The following NBEAL1 variants were observed in gnomAD, a reference collection of about 807,000 sequenced individuals.
NBEAL1 encodes neurobeachin like 1.
NBEAL1 carries 273 observed loss-of-function variants against 351.3 expected under a neutral mutation model. The observed-to-expected ratio is 0.78, with a 90% CI of 0.70 to 0.86. The LOEUF is 0.86. NBEAL1 is among the 40% of genes least tolerant of loss of function. NBEAL1 has a pLI of 0.00. For synonymous variants in NBEAL1, 1,050 were observed against 1,086.4 expected (o/e 0.97, Z 0.66); for missense variants, 2,961 against 3,201.3 (o/e 0.92, Z 1.81).
chr2:203,073,001 A>T (rs2061707424), intron 7 of NBEAL1, among the ~76,000 whole-genome samples: 1 of 152,124 alleles, frequency 6.6e-6, no homozygotes, highest in Admixed American at 6.5e-5. Flanking sequence ...AGTTGGTTTG[A>T]GAATGCTATT....
At chr2:203,198,684 A>G (rs935323773) in intron 48 of NBEAL1, among the ~76,000 whole-genome samples, 1 of 151,998 alleles carries the variant, frequency 6.6e-6, no homozygotes, top group Non-Finnish European at 1.5e-5. Flanking sequence ...CAACATGGCA[A>G]AACCCCATCT....
chr2:203,191,386 C>T (rs1559052460), intron 46 of NBEAL1: 1 of 207,064 alleles, frequency 4.8e-6, no homozygotes, highest in Non-Finnish European at 9.7e-6. Context: ...TTAAATATTA[C>T]TACATATATT....
chr2:203,209,323 G>GT lies in NBEAL1; in HGVS notation c.7785+2dup. 1 of 1,611,180 alleles carries GT rather than the reference G, an allele frequency of 6.2e-7. No individual in the cohort carries two copies. Among genetic ancestry groups the GT allele is most frequent in the Non-Finnish European group, 8.5e-7 (1 of 1,177,742 alleles). On this transcript the variant is annotated splice_donor_variant, in intron 53 of 55. Coordinates refer to ENST00000683969, the MANE Select transcript of NBEAL1 (RefSeq NM_001378026.1). LOFTEE classifies it high-confidence loss of function. ...CACTGAAGAAAAGACCACCCTCAAGGTATATGACCTTTCATGCAATAGAGG... is the reference window on the plus strand; with the variant it reads ...CACTGAAGAAAAGACCACCCTCAAGGTTATATGACCTTTCATGCAATAGAGG...
At chr2:203,081,947 T>G (rs1407226361) in intron 8 of NBEAL1, among the ~76,000 whole-genome samples, 2 of 152,172 alleles carry the variant, frequency 1.3e-5, no homozygotes, top group East Asian at 3.8e-4. Flanking sequence ...CAAAAAAGTT[T>G]TTTTAAATTA....
Position 203,166,195 on chromosome 2 carries a change from G to A in NBEAL1, c.5761G>A (p.Glu1921Lys). ...QDQKEKLVLMEDCELITIIDV... is the reference protein window; with the variant it reads ...QDQKEKLVLMKDCELITIIDV... Reference sequence around the variant, plus strand: ...TCAAAAAGAAAAATTGGTATTGATGGAAGACTGTGAACTCATTACAATAAT... The same window carrying A: ...TCAAAAAGAAAAATTGGTATTGATGAAAGACTGTGAACTCATTACAATAAT... Residue 1921 changes from glutamate (E) to lysine (K), a missense_variant, in exon 37 of 56, where the codon GAA (glutamate) becomes AAA (lysine). Coordinates refer to ENST00000683969, the MANE Select transcript of NBEAL1 (RefSeq NM_001378026.1). The A allele has an allele frequency of 1.2e-6, 2 of 1,601,170 alleles. No homozygotes were observed. Among genetic ancestry groups the A allele is most frequent in the Non-Finnish European group, 1.7e-6 (2 of 1,175,564 alleles).
chr2:203,201,752 T>A (rs772658613), intron 50 of NBEAL1, 37 bp downstream of exon 50: 4 of 1,522,524 alleles, frequency 2.6e-6, no homozygotes, highest in Non-Finnish European at 3.5e-6. Context: ...TGCTCAAAAA[T>A]TTTCTTTTTT....
At position 203,076,476 on chromosome 2, in the gene NBEAL1, CA is replaced by C. The variant is rs763150052; in HGVS notation, c.599-1271del. 3.2e-3 allele frequency among the ~76,000 whole-genome samples: 69 copies of C among 21,560 alleles called. 1 individual carries two copies. Among genetic ancestry groups the C allele is most frequent in the South Asian group, 0.019 (11 of 568 alleles). The allele number at this position is 21,560 out of a possible 152,430, so 14.1% of individuals were successfully genotyped here. A position where few individuals can be genotyped will look rare whatever the true frequency, so the allele number is the denominator to read the frequency against. On this transcript the variant is annotated intron_variant, in intron 7 of 55. Coordinates refer to ENST00000683969, the MANE Select transcript of NBEAL1 (RefSeq NM_001378026.1). ...TAGGCAATAAAGTAAGACCCTGTCT[CA>C]AAAACAAACAAACAAACAAAAAAAA...
intron 7 of NBEAL1, among the ~76,000 whole-genome samples, chr2:203,068,706 A>G (rs2061633386): frequency 1.3e-5 from 2 of 151,976 alleles, no homozygotes; most frequent in Admixed American, 6.5e-5. Flanking sequence ...GAATATTTTA[A>G]TGATGGTGGT....
chr2:203,028,550 C>T (rs2060898586), intron 2 of NBEAL1, among the ~76,000 whole-genome samples: 1 of 151,260 alleles, frequency 6.6e-6, no homozygotes, highest in Non-Finnish European at 1.5e-5. Flanking sequence ...ATTTGAAAAA[C>T]TTCAACTTGA....
chr2:203,176,668 G>T (rs971948867), intron 42 of NBEAL1, among the ~76,000 whole-genome samples: 2 of 150,144 alleles, frequency 1.3e-5, no homozygotes, highest in Admixed American at 1.3e-4. Context: ...GGAGGCGGAG[G>T]TTGCAGTGAG....
intron 31 of NBEAL1, among the ~76,000 whole-genome samples, chr2:203,139,381 G>A (rs1457924855): frequency 6.6e-6 from 1 of 151,858 alleles, no homozygotes; most frequent in Non-Finnish European, 1.5e-5. Context: ...GATTAGTCAT[G>A]ATAAGATTTT....
chr2:203,175,043 A>G, intron 41 of NBEAL1, 104 bp from the exon 42 acceptor site: 1 of 1,011,662 alleles, frequency 9.9e-7, no homozygotes, highest in Non-Finnish European at 1.4e-6. Context: ...ATGAAGAAGG[A>G]TGGACTTTTT....
chr2:203,144,565 G>C, intron 31 of NBEAL1, 35 bp from the exon 32 acceptor site: 1 of 1,560,768 alleles, frequency 6.4e-7, no homozygotes, highest in Non-Finnish European at 8.7e-7. Context: ...GTTTGCTTTA[G>C]TCTGCTCTTT....
At position 203,136,598 on chromosome 2, in the gene NBEAL1, G is replaced by C; in HGVS notation, c.4390-1G>C. On this transcript the variant is annotated splice_acceptor_variant, in intron 28 of 55. Coordinates refer to ENST00000683969, the MANE Select transcript of NBEAL1 (RefSeq NM_001378026.1). LOFTEE classifies it high-confidence loss of function. Reference sequence around the variant, plus strand: ...TTAAAATTACTTTATATTTTCCATAGAGATGTGAGGAGGAGCTTCTTCAAT... The same window carrying C: ...TTAAAATTACTTTATATTTTCCATACAGATGTGAGGAGGAGCTTCTTCAAT... The C allele has an allele frequency of 6.3e-7, 1 of 1,598,914 alleles. No individual in the cohort carries two copies. Among genetic ancestry groups the C allele is most frequent in the Non-Finnish European group, 8.5e-7 (1 of 1,169,980 alleles).
In NBEAL1 at chr2:203,188,413, A is replaced by G. The variant is rs1213160654; in HGVS notation, c.6706-59A>G. On this transcript the variant is annotated intron_variant, in intron 44 of 55. Coordinates refer to ENST00000683969, the MANE Select transcript of NBEAL1 (RefSeq NM_001378026.1). ...TGTCCTTACTTTTTTAAAGAACTGA[A>G]TTTACAATGTAGTTGGAAGATATCT... 3.3e-6 allele frequency: 3 copies of G among 915,128 alleles called. No individual in the cohort carries two copies. The African/African-American group carries it at 5.1e-5, about 15-fold the overall frequency. 56.7% of individuals were successfully genotyped at this position (915,128 alleles called of 1,614,324 possible).
chr2:203,141,389 T>TTTTTTTTTTTTTC, intron 31 of NBEAL1, among the ~76,000 whole-genome samples: 1 of 104,510 alleles, frequency 9.6e-6, no homozygotes, highest in African/African-American at 3.6e-5. Context: ...TTTTTTTTTT[T>TTTTTTTTTTTTTC]TTTTTTTTTC....
Position 203,125,444 on chromosome 2 carries a change from G to C in NBEAL1, c.2775G>C (p.Lys925Asn), listed in dbSNP as rs1477110940. ...HFSEGQIPEE[K>N]NESTVPESVT... ...GTGAAGGACAGATTCCTGAAGAAAAGAATGAAAGCACAGTTCCTGAATCAG... is the reference window on the plus strand; with the variant it reads ...GTGAAGGACAGATTCCTGAAGAAAACAATGAAAGCACAGTTCCTGAATCAG... The change falls in exon 20 of 56, where the codon AAG (lysine) becomes AAC (asparagine). Residue 925 changes from lysine to asparagine, a missense_variant. Coordinates refer to ENST00000683969, the MANE Select transcript of NBEAL1 (RefSeq NM_001378026.1). 1 of 1,547,118 alleles carries C rather than the reference G, an allele frequency of 6.5e-7. No homozygotes were observed. The highest frequency in any genetic ancestry group is 8.7e-7 in the Non-Finnish European group (1 of 1,144,984).
chr2:203,083,914 G>A (rs1224146648), intron 9 of NBEAL1, among the ~76,000 whole-genome samples: 1 of 151,184 alleles, frequency 6.6e-6, no homozygotes, highest in African/African-American at 2.4e-5. Flanking sequence ...TGTAGAGGTC[G>A]CTTCAAAAAT....
chr2:203,138,538 G>GTAT (rs1235039703), intron 30 of NBEAL1, 82 bp from the exon 31 acceptor site: 2 of 1,373,594 alleles, frequency 1.5e-6, no homozygotes, highest in African/African-American at 2.9e-5. Context: ...TTTGTGGTTT[G>GTAT]TATTAATGTT....
Sources: allele counts gnomAD v4.1 joint callset (sites outside exome capture counted in the v4.1 genomes callset), GRCh38; gene constraint gnomAD v4.1.1; transcripts MANE v1.5; gene names NCBI Gene and HGNC (gene_info 2026-07-23, HGNC 2026-07-21).